CSGALNACT1: variants seen among roughly 807,000 people sequenced by gnomAD.
The protein encoded by CSGALNACT1 is beta4GalNAcT-1.
In CSGALNACT1, 52 loss-of-function variants were observed where a neutral mutation model predicts 51.0. The ratio of observed to expected loss-of-function variants is 1.02; its 90% confidence interval spans 0.82 to 1.29. The LOEUF is 1.29. Ranked by LOEUF, CSGALNACT1 falls within the 50% of genes most tolerant of loss-of-function variation. The probability of loss-of-function intolerance (pLI) is 0.00; values close to 1 mark genes in which losing one functional copy is unlikely to be tolerated. For synonymous variants in CSGALNACT1, 341 were observed against 254.4 expected, an observed-to-expected ratio of 1.34 and a Z score of -3.24; for missense variants, 935 against 679.2, an observed-to-expected ratio of 1.38 and a Z score of -4.19.
In CSGALNACT1 at chr8:19,459,375, T is replaced by TC. The variant is rs1491400836; in HGVS notation, c.635-734_635-733insG. 4.4e-5 allele frequency among the ~76,000 whole-genome samples: 5 copies of TC among 112,384 alleles called. No individual in the cohort carries two copies. In the East Asian group the frequency reaches 1.4e-3, roughly 32 times the overall value. 73.7% of individuals were successfully genotyped at this position (112,384 alleles called of 152,430 possible). A position where few individuals can be genotyped will look rare whatever the true frequency, so the allele number is the denominator to read the frequency against. ...TCCAGTATGGGCAACAGAGCGAAAC[T>TC]TTATCTCAAAAAAAAAAAAAAAAAA... On this transcript the variant is annotated intron_variant, in intron 4 of 9. Transcript: ENST00000454498.
chr8:19,664,852 CAG>C (rs1281637388), intron 1 of CSGALNACT1, among the ~76,000 whole-genome samples: 1 of 152,122 alleles, frequency 6.6e-6, no homozygotes, highest in Non-Finnish European at 1.5e-5. Context: ...TACATGGATA[CAG>C]AGTGTAAAAC....
intron 3 of CSGALNACT1, among the ~76,000 whole-genome samples, chr8:19,542,847 G>C (rs2085540561): frequency 6.6e-6 from 1 of 152,106 alleles, no homozygotes; most frequent in Non-Finnish European, 1.5e-5. Context: ...TTAATTTTAT[G>C]AAAGTAACAT....
chr8:19,536,299 T>C (rs1165627864), intron 3 of CSGALNACT1, among the ~76,000 whole-genome samples: 4 of 151,722 alleles, frequency 2.6e-5, no homozygotes, highest in African/African-American at 7.3e-5. Flanking sequence ...AAAATCTTTG[T>C]ACCTTCTTCA....
chr8:19,435,017 C>T (rs7823194), intron 6 of CSGALNACT1, among the ~76,000 whole-genome samples: 69,497 of 151,764 alleles, frequency 0.46, 17,421 homozygotes, highest in East Asian at 0.84. Context: ...ATAACGACAA[C>T]AACCCTCTCC....
chr8:19,592,192 G>T (rs1468028947), intron 2 of CSGALNACT1, among the ~76,000 whole-genome samples: 1 of 152,094 alleles, frequency 6.6e-6, no homozygotes, highest in Non-Finnish European at 1.5e-5. Context: ...GTACTAGAGG[G>T]GAAAATAGTT....
intron 6 of CSGALNACT1, among the ~76,000 whole-genome samples, chr8:19,427,143 C>T (rs2058892802): frequency 6.6e-6 from 1 of 152,078 alleles, no homozygotes; most frequent in Non-Finnish European, 1.5e-5. Context: ...CTTCTTTAAG[C>T]CTGTTTTAGC....
At chr8:19,404,784 A>C (rs1246128314) in exon 10 of CSGALNACT1, 1 of 454,566 alleles carries the variant, frequency 2.2e-6, no homozygotes, top group Non-Finnish European at 4.4e-6. Flanking sequence ...TTTTAGGTAC[A>C]TCACGATATC....
At chr8:19,421,309 A>G (rs2057889783) in intron 6 of CSGALNACT1, among the ~76,000 whole-genome samples, 1 of 152,242 alleles carries the variant, frequency 6.6e-6, no homozygotes, top group Non-Finnish European at 1.5e-5. Context: ...GGCCCCAGGC[A>G]GTGAAGCCAG....
At chr8:19,727,317 G>T (rs191709466) in intron 1 of CSGALNACT1, among the ~76,000 whole-genome samples, 1 of 127,422 alleles carries the variant, frequency 7.8e-6, no homozygotes, top group South Asian at 3.0e-4. Flanking sequence ...ATTGTGTTTT[G>T]TTTTGTTTGA....
intron 6 of CSGALNACT1, among the ~76,000 whole-genome samples, chr8:19,437,781 G>A (rs991817535): frequency 6.6e-6 from 1 of 152,118 alleles, no homozygotes; most frequent in Non-Finnish European, 1.5e-5. Flanking sequence ...AACCAACCTG[G>A]TCTCTAGCAT....
intron 1 of CSGALNACT1, among the ~76,000 whole-genome samples, chr8:19,658,053 CCCT>C (rs2058437066): frequency 8.0e-6 from 1 of 125,708 alleles, no homozygotes; most frequent in South Asian, 3.0e-4. Context: ...TGCCCTCTCA[CCCT>C]CCTTCCAAAA....
At chr8:19,416,479 G>A (rs1198747402) in intron 8 of CSGALNACT1, among the ~76,000 whole-genome samples, 1 of 152,186 alleles carries the variant, frequency 6.6e-6, no homozygotes, top group Non-Finnish European at 1.5e-5. Flanking sequence ...GTCCACAGTA[G>A]TGGACAGTAA....
Position 19,541,553 on chromosome 8 carries a change from A to ATTTTTTTTTTTTTTTTTTTT in CSGALNACT1, c.-296-35443_-296-35424dup, listed in dbSNP as rs1159626193. ...AGGTGTGAGCCACCGTGCTCAGCCA[A>ATTTTTTTTTTTTTTTTTTTT]TTTTTTTTTTTTTTTTTTTTTTTTT... On this transcript the variant is annotated intron_variant, in intron 3 of 9. Transcript: ENST00000454498. Among the ~76,000 whole-genome samples the ATTTTTTTTTTTTTTTTTTTT allele has an allele frequency of 1.5e-3, 102 of 70,098 alleles. 21 individuals carry two copies. Among genetic ancestry groups the ATTTTTTTTTTTTTTTTTTTT allele is most frequent in the Non-Finnish European group, 2.0e-3 (82 of 40,018 alleles). The allele number at this position is 70,098 out of a possible 152,430, so 46.0% of individuals were successfully genotyped here. A position where few individuals can be genotyped will look rare whatever the true frequency, so the allele number is the denominator to read the frequency against.
chr8:19,698,402 TAAAC>T (rs1377134111), intron 1 of CSGALNACT1, among the ~76,000 whole-genome samples: 1 of 152,190 alleles, frequency 6.6e-6, no homozygotes, highest in Non-Finnish European at 1.5e-5. Flanking sequence ...CATGGGAAAA[TAAAC>T]TAATATTTGA....
rs78774354 is a variant in CSGALNACT1 at position 19,713,540 on chromosome 8, G to A, written c.-297+44310C>T. On this transcript the variant is annotated intron_variant, in intron 1 of 1. Coordinates refer to the CSGALNACT1 transcript ENST00000517494. ...TGGTTAGTTAAGATGAGGCCATACC[G>A]GAGCAAGTGGGCCCCTGGATCCCAT... Among the ~76,000 whole-genome samples, 329 of 152,254 alleles carry A rather than the reference G, an allele frequency of 2.2e-3. 3 individuals carry two copies. Among genetic ancestry groups the A allele is most frequent in the African/African-American group, 7.4e-3 (309 of 41,544 alleles).
intron 1 of CSGALNACT1, among the ~76,000 whole-genome samples, chr8:19,609,599 G>C (rs534665395): frequency 6.7e-6 from 1 of 148,520 alleles, no homozygotes; most frequent in Non-Finnish European, 1.5e-5. Context: ...AATACATACT[G>C]TATGATTCCA....
At chr8:19,407,652 C>T (rs2054522791) in intron 9 of CSGALNACT1, among the ~76,000 whole-genome samples, 1 of 152,302 alleles carries the variant, frequency 6.6e-6, no homozygotes, top group South Asian at 2.1e-4. Context: ...CTTTGACATG[C>T]TTGGTCTCCT....
At chr8:19,575,324 C>T (rs1157559182) in intron 3 of CSGALNACT1, among the ~76,000 whole-genome samples, 1 of 152,208 alleles carries the variant, frequency 6.6e-6, no homozygotes, top group East Asian at 1.9e-4. Context: ...CATCCCAGAA[C>T]ACTTAATTTT....
intron 7 of CSGALNACT1, 33 bp downstream of exon 6, chr8:19,420,307 G>A (rs772669930): frequency 1.2e-6 from 2 of 1,609,520 alleles, no homozygotes; most frequent in Admixed American, 3.3e-5. Flanking sequence ...AGGGCTGGGG[G>A]CCACCTGAGC....
Sources: gnomAD v4.1 joint callset for allele counts (sites outside exome capture counted in the v4.1 genomes callset) on GRCh38, gnomAD v4.1.1 for gene constraint, MANE v1.5 for transcripts, NCBI Gene and HGNC (gene_info 2026-07-23, HGNC 2026-07-21) for gene names.